BIRC6: variants seen among roughly 807,000 people sequenced by gnomAD.
BIRC6 encodes dual E2 ubiquitin-conjugating enzyme/E3 ubiquitin-protein ligase BIRC6.
In BIRC6, 98 loss-of-function variants were observed where a neutral mutation model predicts 503.3. That is an observed-to-expected ratio of 0.19 (90% CI 0.17 to 0.23). The LOEUF is 0.23. Ranked by LOEUF, BIRC6 falls within the 10% of genes least tolerant of loss-of-function variation. The probability of loss-of-function intolerance (pLI) is 1.00; values close to 1 mark genes in which losing one functional copy is unlikely to be tolerated. For synonymous variants in BIRC6, 2,240 were observed against 2,078.7 expected, an observed-to-expected ratio of 1.08 and a Z score of -2.11; for missense variants, 5,360 against 5,806.0, an observed-to-expected ratio of 0.92 and a Z score of 2.50.
chr2:32,502,355 T>A (rs754287259), intron 47 of BIRC6, among the ~76,000 whole-genome samples: 18 of 152,188 alleles, frequency 1.2e-4, no homozygotes, highest in Non-Finnish European at 1.9e-4. Context: ...CAAATGAAAT[T>A]GTAGGAACCA....
At chr2:32,458,683 CTTTTTT>C (rs1166608470) in intron 23 of BIRC6, among the ~76,000 whole-genome samples, 2 of 89,460 alleles carry the variant, frequency 2.2e-5, no homozygotes, top group African/African-American at 1.0e-4. Flanking sequence ...ACTCTATTGC[CTTTTTT>C]TTTTTTTTTT....
intron 21 of BIRC6, among the ~76,000 whole-genome samples, chr2:32,446,921 CT>C (rs1463814116): frequency 8.3e-6 from 1 of 119,796 alleles, no homozygotes; most frequent in African/African-American, 3.2e-5. Context: ...GTTTGTGTCC[CT>C]GGGTACTTAA....
Position 32,525,524 on chromosome 2 carries a change from G to T in BIRC6, c.11816G>T (p.Arg3939Met), listed in dbSNP as rs553403645. 10 of 1,613,950 alleles carry T rather than the reference G, an allele frequency of 6.2e-6. No individual in the cohort carries two copies. Among genetic ancestry groups the T allele is most frequent in the African/African-American group, 4.0e-5 (3 of 75,056 alleles). Reference protein sequence around the residue: ...SATPPRPPSRRGRTIPDKIGS... With the variant: ...SATPPRPPSRMGRTIPDKIGS... ...ACACCACCTCGCCCACCATCCAGGA[G>T]GGGGAGGACAATACCTGATAAAATA... The change falls in exon 59 of 74, where the codon AGG becomes ATG. Residue 3939 changes from arginine (R) to methionine (M), a missense_variant. Arg to Met is a moderately conservative substitution (Grantham distance 91). Transcript: ENST00000421745.
intron 66 of BIRC6, among the ~76,000 whole-genome samples, chr2:32,589,210 C>T (rs2061253643): frequency 6.6e-6 from 1 of 152,178 alleles, no homozygotes; most frequent in Non-Finnish European, 1.5e-5. Context: ...ACTCTATGTT[C>T]AGTGTAAAGT....
Position 32,442,146 on chromosome 2 carries a change from C to T in BIRC6, c.4026C>T (p.Gly1342=). The change falls in exon 18 of 74, where the codon GGC becomes GGT. Residue 1342 remains glycine, a synonymous_variant. Coordinates refer to ENST00000421745, the MANE Select transcript of BIRC6 (RefSeq NM_016252.4). ...CTCTTTGCAGAAAAACAGATGATGG[C>T]CAGATCACAGAACATGCCCAGAGCC... ...LNTLCRKTDD[G]QITEHAQSLV... is the part of the protein sequence containing the mutation. 1 of 1,610,204 alleles carries T rather than the reference C, an allele frequency of 6.2e-7. No homozygotes were observed. The highest frequency in any genetic ancestry group is 8.5e-7 in the Non-Finnish European group (1 of 1,178,782).
At chr2:32,564,848 C>G (rs180984474) in intron 65 of BIRC6, 15 of 152,396 alleles carry the variant, frequency 9.8e-5, no homozygotes. Flanking sequence ...AGCTTTCCAA[C>G]TTGGACCTCT....
At chr2:32,460,492 G>C (rs966785649) in intron 23 of BIRC6, among the ~76,000 whole-genome samples, 2 of 151,222 alleles carry the variant, frequency 1.3e-5, no homozygotes, top group Admixed American at 6.6e-5. Flanking sequence ...GGTCAGGCTG[G>C]TCTCGAATTC....
chr2:32,445,374 T>G (rs2045851491), intron 20 of BIRC6, 147 bp from the exon 21 acceptor site: 1 of 783,374 alleles, frequency 1.3e-6, no homozygotes, highest in African/African-American at 1.8e-5. Context: ...GAGTTATCTT[T>G]GTAAATTGCC....
At chr2:32,538,157 C>G (rs184619357) in intron 61 of BIRC6, among the ~76,000 whole-genome samples, 132 of 152,044 alleles carry the variant, frequency 8.7e-4, no homozygotes, top group African/African-American at 3.1e-3. Context: ...AGACTTAAGC[C>G]ACAGTCATAT....
chr2:32,568,122 CAA>C (rs2059655596), intron 65 of BIRC6, among the ~76,000 whole-genome samples: 1 of 149,938 alleles, frequency 6.7e-6, no homozygotes, highest in Non-Finnish European at 1.5e-5. Flanking sequence ...AAAAAACAAA[CAA>C]ACAAGAATGG....
intron 11 of BIRC6, 49 bp from the exon 12 acceptor site, chr2:32,430,816 T>C (rs1309071262): frequency 4.3e-6 from 4 of 933,350 alleles, no homozygotes; most frequent in Non-Finnish European, 6.1e-6. Context: ...TTTTTTTTTT[T>C]TTTTTTTTTT....
rs1381566709 is a variant in BIRC6 at position 32,502,779 on chromosome 2, A to G, written c.9208-16A>G. On this transcript the variant is annotated splice_polypyrimidine_tract_variant and intron_variant, in intron 47 of 73. Coordinates refer to ENST00000421745, the MANE Select transcript of BIRC6 (RefSeq NM_016252.4). ...AGGAATATATAAAGTCATAATATGC[A>G]TATTTCATTTTTTAGGGCTCTCTTG... The G allele has an allele frequency of 5.1e-6, 8 of 1,575,450 alleles. No homozygotes were observed. Among genetic ancestry groups the G allele is most frequent in the Middle Eastern group, 1.7e-4 (1 of 5,972 alleles).
At chr2:32,441,213 A>G in intron 16 of BIRC6, 116 bp from the exon 17 acceptor site, 1 of 766,212 alleles carries the variant, frequency 1.3e-6, no homozygotes, top group Non-Finnish European at 2.0e-6. Flanking sequence ...TTTTAACTTG[A>G]GATTTATATT....
intron 66 of BIRC6, among the ~76,000 whole-genome samples, chr2:32,587,169 A>G (rs891893284): frequency 5.3e-5 from 8 of 152,204 alleles, no homozygotes; most frequent in African/African-American, 1.9e-4. Flanking sequence ...CACACAGATC[A>G]TGAGGTCAGG....
rs1186752685 is a variant in BIRC6, at chr2:32,515,523, A to G, written c.11102A>G (p.Asp3701Gly). 2 of 1,613,850 alleles carry G rather than the reference A, an allele frequency of 1.2e-6. No individual in the cohort carries two copies. ...GTTGGCAATAGCCATATTATGAAAGATTGGCTTGGTGGTTCTGAAGTCAAT... is the reference window on the plus strand; with the variant it reads ...GTTGGCAATAGCCATATTATGAAAGGTTGGCTTGGTGGTTCTGAAGTCAAT... Reference protein sequence around the residue: ...TEVGNSHIMKDWLGGSEVNPL... With the variant: ...TEVGNSHIMKGWLGGSEVNPL... The change falls in exon 55 of 74, where the codon GAT (aspartate) becomes GGT (glycine). Residue 3701 changes from aspartate (D) to glycine (G), a missense_variant. Coordinates refer to ENST00000421745, the MANE Select transcript of BIRC6 (RefSeq NM_016252.4).
chr2:32,493,403 ATTG>A (rs1311414215), intron 44 of BIRC6, 134 bp from the exon 45 acceptor site: 24 of 682,100 alleles, frequency 3.5e-5, no homozygotes, highest in South Asian at 1.4e-4. Flanking sequence ...TCCTGCTATC[ATTG>A]TTAATACTTT....
intron 5 of BIRC6, among the ~76,000 whole-genome samples, chr2:32,392,779 T>G (rs187616197): frequency 2.6e-5 from 4 of 151,566 alleles, no homozygotes; most frequent in African/African-American, 9.7e-5. Context: ...TGTGTGCCAC[T>G]GGGCCTGGCT....
chr2:32,528,954 AAAAG>A (rs1440279801), intron 59 of BIRC6: 1 of 151,908 alleles, frequency 6.6e-6, no homozygotes, highest in African/African-American at 2.4e-5. Flanking sequence ...AAATGCAAAA[AAAAG>A]AAAAAAAAAG....
At chr2:32,412,641 C>G (rs1388979790) in intron 9 of BIRC6, among the ~76,000 whole-genome samples, 2 of 151,748 alleles carry the variant, frequency 1.3e-5, no homozygotes, top group Non-Finnish European at 1.5e-5. Flanking sequence ...AGTTTTGGAA[C>G]TTTTTCTTCC....
Sources: allele counts gnomAD v4.1 joint callset (sites outside exome capture counted in the v4.1 genomes callset), GRCh38; gene constraint gnomAD v4.1.1; transcripts MANE v1.5; gene names NCBI Gene and HGNC (gene_info 2026-07-23, HGNC 2026-07-21).